Variants in CCDC7 observed in about 807,000 individuals in gnomAD.
CCDC7 encodes coiled-coil domain-containing protein 7.
In CCDC7, 183 loss-of-function variants were observed where a neutral mutation model predicts 196.9. The observed-to-expected ratio is 0.93, with a 90% CI of 0.82 to 1.05. The LOEUF (loss-of-function observed/expected upper bound fraction) is 1.05, where lower values mean the gene tolerates loss of function less well. CCDC7 is among the 50% of genes least tolerant of loss of function. The pLI is 0.00. For missense variants in CCDC7, 1,540 were observed against 1,482.2 expected (o/e 1.04, Z -0.64); for synonymous variants, 525 against 484.6 (o/e 1.08, Z -1.10).
chr10:32,448,801 A>G (rs1284147212), upstream of CCDC7, among the ~76,000 whole-genome samples: 4 of 152,062 alleles, frequency 2.6e-5, no homozygotes, highest in South Asian at 2.1e-4. Flanking sequence ...TCTCATTTTC[A>G]GTAGAATTGC....
At chr10:32,487,610 G>A (rs2041387033) in intron 8 of CCDC7, among the ~76,000 whole-genome samples, 1 of 152,144 alleles carries the variant, frequency 6.6e-6, no homozygotes, top group African/African-American at 2.4e-5. Context: ...CCCCATCTTT[G>A]TGGTTTTATC....
chr10:32,609,443 T>G (rs1003672031), intron 18 of CCDC7, among the ~76,000 whole-genome samples: 1 of 146,994 alleles, frequency 6.8e-6, no homozygotes, highest in African/African-American at 2.7e-5. Context: ...TGCTTTTGGT[T>G]TTTGTTTGCA....
intron 9 of CCDC7, among the ~76,000 whole-genome samples, chr10:32,517,646 A>G (rs1037941502): frequency 6.7e-6 from 1 of 149,492 alleles, no homozygotes; most frequent in African/African-American, 2.5e-5. Flanking sequence ...GAGGGATAGC[A>G]TTAGGAGATA....
rs1010303806 is a variant in CCDC7 at position 32,694,779 on chromosome 10, A to G, written c.2345-100A>G. 27 of 610,258 alleles carry G rather than the reference A, an allele frequency of 4.4e-5. No individual in the cohort carries two copies. In the East Asian group the frequency reaches 7.8e-4, roughly 18 times the overall value. 37.8% of individuals were successfully genotyped at this position (610,258 alleles called of 1,614,324 possible). On this transcript the variant is annotated intron_variant, in intron 23 of 41. Coordinates refer to ENST00000639629, the Ensembl canonical transcript of CCDC7. ...TGATAATTTACTTACAAATTTATCA[A>G]AATGAGAAAATTTTGCTACACAATT... is the stretch of plus-strand genomic sequence containing the variant.
intron 9 of CCDC7, among the ~76,000 whole-genome samples, chr10:32,494,155 G>C (rs2042550887): frequency 1.3e-5 from 2 of 152,094 alleles, no homozygotes; most frequent in South Asian, 4.1e-4. Flanking sequence ...TCTTCAAGTA[G>C]TTTTACAGTT....
chr10:32,833,834 T>A (rs563687746), intron 32 of CCDC7, among the ~76,000 whole-genome samples: 2 of 152,216 alleles, frequency 1.3e-5, no homozygotes, highest in African/African-American at 4.8e-5. Context: ...CTTTAAAATT[T>A]ATTCATGGAC....
At chr10:32,498,448 C>T (rs950712977) in intron 9 of CCDC7, among the ~76,000 whole-genome samples, 1 of 152,020 alleles carries the variant, frequency 6.6e-6, no homozygotes, top group Non-Finnish European at 1.5e-5. Context: ...TTATTTTGCC[C>T]GTTAGTTGAT....
chr10:32,707,526 A>G (rs1050730848), intron 24 of CCDC7, among the ~76,000 whole-genome samples: 1 of 152,224 alleles, frequency 6.6e-6, no homozygotes, highest in Non-Finnish European at 1.5e-5. Flanking sequence ...AGAGGAAGTC[A>G]AATTATCCCT....
At chr10:32,708,677 T>A (rs111478562) in intron 24 of CCDC7, among the ~76,000 whole-genome samples, 1,938 of 152,238 alleles carry the variant, frequency 0.013, 50 homozygotes, top group African/African-American at 0.045. Context: ...AACAGACACT[T>A]CTCAAAAGGA....
At chr10:32,777,405 G>T (rs2080247479) in intron 28 of CCDC7, among the ~76,000 whole-genome samples, 1 of 152,140 alleles carries the variant, frequency 6.6e-6, no homozygotes, top group Non-Finnish European at 1.5e-5. Flanking sequence ...CCAGGAATGG[G>T]ATTGCCGAGT....
At chr10:32,750,398 G>A (rs997306983) in intron 28 of CCDC7, among the ~76,000 whole-genome samples, 3 of 152,070 alleles carry the variant, frequency 2.0e-5, no homozygotes, top group Admixed American at 6.6e-5. Context: ...TAATAATCTC[G>A]AGGCAGAAAA....
chr10:32,677,027 A>G (rs892504114), intron 21 of CCDC7, among the ~76,000 whole-genome samples: 4 of 151,418 alleles, frequency 2.6e-5, no homozygotes, highest in Admixed American at 6.6e-5. Context: ...ATGGAATACT[A>G]TGCAGCCATA....
intron 18 of CCDC7, among the ~76,000 whole-genome samples, chr10:32,628,069 A>G (rs1302446258): frequency 6.6e-6 from 1 of 151,928 alleles, no homozygotes; most frequent in Admixed American, 6.6e-5. Context: ...AATTTTTTAG[A>G]ACAGTTTAAG....
At chr10:32,511,316 T>A (rs2046164482) in intron 9 of CCDC7, 1 of 1,512,328 alleles carries the variant, frequency 6.6e-7, no homozygotes, top group African/African-American at 1.5e-5. Flanking sequence ...ACCAAAAAGT[T>A]AACTTTTACT....
At chr10:32,517,887 C>A in intron 9 of CCDC7, 58 bp from the exon 11 acceptor site, 2 of 1,550,050 alleles carry the variant, frequency 1.3e-6, no homozygotes, top group South Asian at 2.4e-5. Context: ...GTGTGTGTTT[C>A]ATAAATTAAA....
At chr10:32,867,810 G>A (rs1204145394) in intron 41 of CCDC7, among the ~76,000 whole-genome samples, 1 of 151,708 alleles carries the variant, frequency 6.6e-6, no homozygotes, top group Non-Finnish European at 1.5e-5. Flanking sequence ...TAAGTGTACA[G>A]TTTAGTCGCA....
chr10:32,744,003 G>C (rs1352545839), intron 28 of CCDC7, among the ~76,000 whole-genome samples: 1 of 110,796 alleles, frequency 9.0e-6, no homozygotes, highest in Non-Finnish European at 1.8e-5. Context: ...TGGGGGGAGG[G>C]GGGAGGGATA....
chr10:32,462,569 T>C, intron 3 of CCDC7, 114 bp from the exon 5 acceptor site: 1 of 842,572 alleles, frequency 1.2e-6, no homozygotes, highest in Non-Finnish European at 1.7e-6. Flanking sequence ...AGTTATATTT[T>C]AATACTTAGT....
intron 18 of CCDC7, 25 bp downstream of exon 19, chr10:32,584,329 TG>T: frequency 6.9e-7 from 1 of 1,441,854 alleles, no homozygotes; most frequent in South Asian, 1.3e-5. Flanking sequence ...TTTTGGAAGA[TG>T]AAAATGTGAT....
Sources: gnomAD v4.1 joint callset for allele counts (sites outside exome capture counted in the v4.1 genomes callset) on GRCh38, gnomAD v4.1.1 for gene constraint, MANE v1.5 for transcripts, NCBI Gene and HGNC (gene_info 2026-07-23, HGNC 2026-07-21) for gene names.